The following PRAG1 variants were observed in gnomAD, a reference collection of about 807,000 sequenced individuals.
PRAG1 encodes inactive tyrosine-protein kinase PRAG1.
In PRAG1, 110 loss-of-function variants were observed where a neutral mutation model predicts 95.6. The observed-to-expected ratio is 1.15, with a 90% CI of 0.99 to 1.35. The LOEUF (loss-of-function observed/expected upper bound fraction) is 1.35. Among genes scored for constraint, PRAG1 ranks in the 40% most tolerant of loss-of-function variants. The pLI is 0.00. For missense variants in PRAG1, 2,554 were observed against 1,864.7 expected, an observed-to-expected ratio of 1.37 and a Z score of -6.81; for synonymous variants, 1,052 against 819.4, an observed-to-expected ratio of 1.28 and a Z score of -4.85.
At chr8:8,380,509 G>A (rs1035595236) in intron 2 of PRAG1, among the ~76,000 whole-genome samples, 1 of 151,934 alleles carries the variant, frequency 6.6e-6, no homozygotes, top group African/African-American at 2.4e-5. Context: ...TGAGGCAGGA[G>A]AATTGCTTGA....
intron 3 of PRAG1, among the ~76,000 whole-genome samples, chr8:8,371,196 C>G (rs1244006690): frequency 6.7e-6 from 1 of 149,748 alleles, no homozygotes; most frequent in Non-Finnish European, 1.5e-5. Flanking sequence ...TGCTCCCCAG[C>G]AGCCCCACAG....
At chr8:8,357,931 T>A (rs932112791) in intron 3 of PRAG1, among the ~76,000 whole-genome samples, 2 of 152,196 alleles carry the variant, frequency 1.3e-5, no homozygotes, top group Admixed American at 6.5e-5. Flanking sequence ...CCCAACACCA[T>A]GCAAGCAATC....
At chr8:8,381,876 C>T (rs773263770) in intron 1 of PRAG1, 42 bp from the exon 2 acceptor site, 3 of 671,730 alleles carry the variant, frequency 4.5e-6, no homozygotes, top group Non-Finnish European at 7.4e-6. Context: ...ATTTGCCATG[C>T]CAGACAATGG....
At chr8:8,361,305 T>C (rs1185972397) in intron 3 of PRAG1, among the ~76,000 whole-genome samples, 2 of 152,180 alleles carry the variant, frequency 1.3e-5, no homozygotes, top group Non-Finnish European at 2.9e-5. Context: ...AGGAAGGATA[T>C]TTAGAATGCC....
At chr8:8,354,077 A>G (rs1387427259) in intron 3 of PRAG1, among the ~76,000 whole-genome samples, 1 of 152,158 alleles carries the variant, frequency 6.6e-6, no homozygotes, top group African/African-American at 2.4e-5. Flanking sequence ...AGACTCAAAT[A>G]AAATCAGAAA....
intron 2 of PRAG1, among the ~76,000 whole-genome samples, chr8:8,378,301 C>G (rs34011430): frequency 1.3e-5 from 2 of 152,328 alleles, no homozygotes; most frequent in East Asian, 3.9e-4. Context: ...TTCCCAGACA[C>G]TGAGCTGCCC....
chr8:8,334,947 T>C (rs961248568), intron 4 of PRAG1, among the ~76,000 whole-genome samples: 2 of 151,836 alleles, frequency 1.3e-5, no homozygotes, highest in Non-Finnish European at 2.9e-5. Context: ...CCAGGCGTGG[T>C]GGCGCGCATG....
Position 8,376,632 on chromosome 8 carries a change from C to G in PRAG1, c.1777G>C (p.Ala593Pro). 1 of 1,605,598 alleles carries G rather than the reference C, an allele frequency of 6.2e-7. No homozygotes were observed. Among genetic ancestry groups the G allele is most frequent in the Middle Eastern group, 1.7e-4 (1 of 6,026 alleles). Residue 593 changes from alanine (A) to proline (P), a missense_variant, in exon 3 of 6, where the codon GCT (alanine) becomes CCT (proline). Ala to Pro is a conservative substitution (Grantham distance 27, BLOSUM62 -1). Coordinates refer to ENST00000615670, the MANE Select transcript of PRAG1 (RefSeq NM_001080826.3). ...IGPQPPSQGP[A>P]DPAPSCRTNG... ...GTCCGGCAGGAAGGAGCGGGGTCAG[C>G]AGGACCTTGGGATGGAGGCTGGGGC... is the stretch of plus-strand genomic sequence containing the variant.
At chr8:8,374,718 G>A (rs1585273967) in intron 3 of PRAG1, 1 of 985,288 alleles carries the variant, frequency 1.0e-6, no homozygotes, top group East Asian at 1.1e-4. Context: ...ATCACCTCAG[G>A]ATCTGGAAGA....
chr8:8,318,775 G>A lies in PRAG1; in HGVS notation c.3600C>T (p.Ser1200=), dbSNP rs1430405179. The A allele has an allele frequency of 3.2e-6, 5 of 1,558,532 alleles. No individual in the cohort carries two copies. The highest frequency in any genetic ancestry group is 4.3e-6 in the Non-Finnish European group (5 of 1,151,944). The part of the protein sequence containing the change: ...GTLSPAAGPA[S]PEGPREKQLP... ...GCTGCTTCTCCCGGGGCCCTTCCGG[G>A]GAGGCGGGGCCGGCTGCGGGGCTGA... is the stretch of plus-strand genomic sequence containing the variant. Residue 1200 remains serine (S), a synonymous_variant, in exon 6 of 6, where the codon TCC becomes TCT. Transcript: ENST00000615670. This position sits in a 1 kb window ranked among gnomAD's most constrained non-coding sequence, Gnocchi z 4.2.
intron 3 of PRAG1, among the ~76,000 whole-genome samples, chr8:8,352,994 A>G (rs1219596282): frequency 6.6e-6 from 1 of 152,236 alleles, no homozygotes; most frequent in Non-Finnish European, 1.5e-5. Context: ...TTAATAATAA[A>G]GGGGGTGATT....
Position 8,328,458 on chromosome 8 carries a change from G to A in PRAG1, c.2324C>T (p.Pro775Leu), listed in dbSNP as rs768976970. Residue 775 changes from proline to leucine, a missense_variant, in exon 5 of 6, where the codon CCC becomes CTC. Physicochemically the swap from Pro to Leu is moderately conservative, Grantham distance 98. Coordinates refer to ENST00000615670, the MANE Select transcript of PRAG1 (RefSeq NM_001080826.3). ...GGGCGAGTGAGCCAGCTCAGACGAG[G>A]GACCTGAAGAGGAGAGACAGAAACC... ...SDSRTCSDGG[P>L]SSELAHSPTN... is the part of the protein sequence containing the mutation. The A allele has an allele frequency of 6.2e-7, 1 of 1,613,316 alleles. No homozygotes were observed. The highest frequency in any genetic ancestry group is 8.5e-7 in the Non-Finnish European group (1 of 1,179,972).
intron 3 of PRAG1, among the ~76,000 whole-genome samples, chr8:8,367,613 T>A (rs1800052892): frequency 6.6e-6 from 1 of 151,968 alleles, no homozygotes; most frequent in Admixed American, 6.6e-5. Flanking sequence ...TGTCAATTTA[T>A]CTCAACTGTT....
At chr8:8,321,818 G>A (rs933321482) in intron 5 of PRAG1, among the ~76,000 whole-genome samples, 7 of 152,164 alleles carry the variant, frequency 4.6e-5, no homozygotes, top group Non-Finnish European at 7.3e-5. Flanking sequence ...ATTATTTGCA[G>A]GAGTTATGTT....
chr8:8,347,287 G>A (rs1038859880), intron 3 of PRAG1, among the ~76,000 whole-genome samples: 7 of 152,136 alleles, frequency 4.6e-5, no homozygotes, highest in African/African-American at 7.2e-5. Context: ...AGAGGCAGCC[G>A]GAATGCTTCT....
chr8:8,318,673 C>A lies in PRAG1; in HGVS notation c.3702G>T (p.Lys1234Asn). 6.2e-7 allele frequency: 1 copy of A among 1,611,468 alleles called. No individual in the cohort carries two copies. Among genetic ancestry groups the A allele is most frequent in the Non-Finnish European group, 8.5e-7 (1 of 1,179,662 alleles). Residue 1234 changes from lysine (K) to asparagine (N), a missense_variant, in exon 6 of 6, where the codon AAG (lysine) becomes AAT (asparagine). Coordinates refer to ENST00000615670, the MANE Select transcript of PRAG1 (RefSeq NM_001080826.3). This position sits in a 1 kb window ranked among gnomAD's most constrained non-coding sequence, Gnocchi z 4.2. The part of the protein sequence containing the change: ...PGGTPNLQQK[K>N]SQARLAPEIV... Reference sequence around the variant, plus strand: ...TCTCGGGGGCCAGCCGGGCCTGGCTCTTCTTCTGCTGCAGGTTTGGGGTGC... The same window carrying A: ...TCTCGGGGGCCAGCCGGGCCTGGCTATTCTTCTGCTGCAGGTTTGGGGTGC...
At chr8:8,380,208 G>C (rs997177560) in intron 2 of PRAG1, among the ~76,000 whole-genome samples, 2 of 152,216 alleles carry the variant, frequency 1.3e-5, no homozygotes, top group African/African-American at 4.8e-5. Flanking sequence ...CTGGGAGGTG[G>C]AGATTGCAGT....
chr8:8,373,454 A>ATTGTTTTTTTTTTTTTTTTTTTTTTTTTT lies in PRAG1; in HGVS notation c.2162+2792_2162+2793insAAAAAAAAAAAAAAAAAAAAAAAAAACAA, dbSNP rs1470559658. Among the ~76,000 whole-genome samples the ATTGTTTTTTTTTTTTTTTTTTTTTTTTTT allele has an allele frequency of 3.6e-5, 5 of 138,342 alleles. 1 individual carries two copies. The highest frequency in any genetic ancestry group is 5.5e-5 in the African/African-American group (2 of 36,340). The allele number at this position is 138,342 out of a possible 152,430, so 90.8% of individuals were successfully genotyped here. A position where few individuals can be genotyped will look rare whatever the true frequency, so the allele number is the denominator to read the frequency against. ...CTCTTAAGCTAATTTTATTTTCTAG[A>ATTGTTTTTTTTTTTTTTTTTTTTTTTTTT]TTTTTTTTTTTTTGAGACAGGGTCT... On this transcript the variant is annotated intron_variant, in intron 3 of 5. Transcript: ENST00000615670.
intron 5 of PRAG1, 104 bp downstream of exon 5, chr8:8,327,606 C>G: frequency 7.7e-7 from 1 of 1,306,028 alleles, no homozygotes; most frequent in Non-Finnish European, 1.0e-6. Flanking sequence ...ATCAACTCCC[C>G]TCCTAATGCC....
Sources: allele counts gnomAD v4.1 joint callset (sites outside exome capture counted in the v4.1 genomes callset), GRCh38; gene constraint gnomAD v4.1.1; non-coding constraint Gnocchi (gnomAD v3.1); transcripts MANE v1.5; gene names NCBI Gene and HGNC (gene_info 2026-07-23, HGNC 2026-07-21).